Variants in SLC15A3 observed in about 807,000 individuals in gnomAD.
SLC15A3 encodes osteoclast transporter.
In SLC15A3, 39 loss-of-function variants were observed where a neutral mutation model predicts 49.2. The ratio of observed to expected loss-of-function variants is 0.79; its 90% CI spans 0.61 to 1.04. The LOEUF is 1.04. SLC15A3 is among the 50% of genes least tolerant of loss of function. The probability of loss-of-function intolerance (pLI) is 0.00; values close to 1 mark genes in which losing one functional copy is unlikely to be tolerated. For synonymous variants in SLC15A3, 339 were observed against 367.0 expected (o/e 0.92, Z 0.87); for missense variants, 758 against 794.8 (o/e 0.95, Z 0.56).
chr11:60,939,895 C>A (rs1449750661), intron 5 of SLC15A3: 1 of 477,144 alleles, frequency 2.1e-6, no homozygotes, highest in Admixed American at 3.8e-5. Context: ...TAATGGAGAA[C>A]CTGTTATGTG....
intron 6 of SLC15A3, 121 bp from the exon 7 acceptor site, chr11:60,938,146 T>G: frequency 1.6e-6 from 2 of 1,221,966 alleles, no homozygotes; most frequent in Non-Finnish European, 2.2e-6. Context: ...TTCCCCTGGA[T>G]GCCTGTCCAC....
intron 1 of SLC15A3, among the ~76,000 whole-genome samples, chr11:60,949,418 G>C (rs1328703417): frequency 1.3e-5 from 1 of 76,618 alleles, no homozygotes; most frequent in African/African-American, 3.1e-5. Flanking sequence ...AAGAAAGAAA[G>C]AAAGAAGGAA....
intron 1 of SLC15A3, among the ~76,000 whole-genome samples, chr11:60,950,140 T>C (rs1397941093): frequency 1.3e-5 from 2 of 152,190 alleles, no homozygotes; most frequent in African/African-American, 2.4e-5. Context: ...ATTCAGGATA[T>C]AAATGAGTTC....
In SLC15A3 at chr11:60,941,221, A is replaced by G. The variant is rs1411438638; in HGVS notation, c.1177T>C (p.Leu393=). 6.2e-7 allele frequency: 1 copy of G among 1,614,074 alleles called. No individual in the cohort carries two copies. The highest frequency in any genetic ancestry group is 1.3e-5 in the African/African-American group (1 of 74,950). ...CACCGCAGCAGTAAAGGGTCGATCA[A>G]GCGGTCCTTCAGAGGGACCAGAATC... ...VLILVPLKDR[L]IDPLLLRCKL... The change falls in exon 5 of 8, where the codon TTG becomes CTG. Residue 393 remains leucine, a synonymous_variant. Coordinates refer to ENST00000227880, the MANE Select transcript of SLC15A3 (RefSeq NM_016582.3).
Position 60,951,309 on chromosome 11 carries a change from G to T in SLC15A3, c.243C>A (p.Gly81=), listed in dbSNP as rs1856917330. 1 of 1,528,456 alleles carries T rather than the reference G, an allele frequency of 6.5e-7. No homozygotes were observed. The highest frequency in any genetic ancestry group is 8.8e-7 in the Non-Finnish European group (1 of 1,140,482). 94.7% of individuals were successfully genotyped at this position (1,528,456 alleles called of 1,614,324 possible). A position where few individuals can be genotyped will look rare whatever the true frequency, so the allele number is the denominator to read the frequency against. ...CCACGGGCGCCAGCAGGTAGGAGGC[G>T]CCCAGGAATACCAGCGCGGCGCGCG... ...QATRAALVFL[G]ASYLLAPVGG... Residue 81 remains glycine (G), a synonymous_variant, in exon 1 of 8, where the codon GGC becomes GGA. Coordinates refer to ENST00000227880, the MANE Select transcript of SLC15A3 (RefSeq NM_016582.3).
intron 5 of SLC15A3, chr11:60,940,506 A>G (rs909281572): frequency 3.3e-5 from 5 of 151,788 alleles, no homozygotes; most frequent in Admixed American, 2.0e-4. Flanking sequence ...TCCTCACAAC[A>G]CCCCCCATCA....
At chr11:60,938,894 T>C (rs1009746548) in intron 6 of SLC15A3, among the ~76,000 whole-genome samples, 1 of 152,174 alleles carries the variant, frequency 6.6e-6, no homozygotes, top group African/African-American at 2.4e-5. Flanking sequence ...CTTTTCTTTA[T>C]GTCTGACCCA....
chr11:60,939,360 A>C, intron 6 of SLC15A3, 120 bp downstream of exon 6: 2 of 1,240,180 alleles, frequency 1.6e-6, no homozygotes, highest in South Asian at 1.5e-5. Context: ...TGGTCAGAAA[A>C]CACTGCCTTC....
At chr11:60,945,771 T>A (rs1194893475) in intron 2 of SLC15A3, among the ~76,000 whole-genome samples, 1 of 152,204 alleles carries the variant, frequency 6.6e-6, no homozygotes, top group Admixed American at 6.5e-5. Context: ...TTTGGCCGAT[T>A]TCCTAAGACG....
intron 5 of SLC15A3, 91 bp from the exon 6 acceptor site, chr11:60,939,729 C>T (rs1856683161): frequency 1.4e-6 from 2 of 1,441,780 alleles, no homozygotes; most frequent in Admixed American, 2.1e-5. Context: ...ATGGGGTACT[C>T]ATGAAGCAGC....
chr11:60,946,867 G>A, intron 1 of SLC15A3, 46 bp from the exon 2 acceptor site: 3 of 1,570,198 alleles, frequency 1.9e-6, no homozygotes, highest in Non-Finnish European at 2.6e-6. Flanking sequence ...GGGGTCCGGG[G>A]CACTCTCTGT....
In SLC15A3 at chr11:60,942,103, G is replaced by T; in HGVS notation, c.1039C>A (p.Pro347Thr). 6.2e-7 allele frequency: 1 copy of T among 1,614,114 alleles called. No individual in the cohort carries two copies. The highest frequency in any genetic ancestry group is 8.5e-7 in the Non-Finnish European group (1 of 1,179,982). The change falls in exon 4 of 8, where the codon CCA becomes ACA. Residue 347 changes from proline to threonine, a missense_variant. Transcript: ENST00000227880. ...GCCGGGTTGGCTGGGAAAATGTTTG[G>T]GATGTGGAGGTGAAGACCCTGCAGG... is the stretch of plus-strand genomic sequence containing the variant. ...YVLQGLHLHI[P>T]NIFPANPANI...
Position 60,950,995 on chromosome 11 carries a change from TGGTCGGCACCGAA to T in SLC15A3, c.544_556del (p.Phe182ArgfsTer2), listed in dbSNP as rs981941596. 1.4e-6 allele frequency: 2 copies of T among 1,464,174 alleles called. No homozygotes were observed. The highest frequency in any genetic ancestry group is 5.3e-5 in the Admixed American group (2 of 37,928). 90.7% of individuals were successfully genotyped at this position (1,464,174 alleles called of 1,614,324 possible). ...CGGGGCAGGCCTCCTGCCACTCACC[TGGTCGGCACCGAA>T]GGAGGTGAGGTTGCTCCGGACGGAG... On this transcript the variant is annotated frameshift_variant and splice_region_variant, in exon 1 of 8. Coordinates refer to ENST00000227880, the MANE Select transcript of SLC15A3 (RefSeq NM_016582.3). LOFTEE classifies it high-confidence loss of function.
chr11:60,950,998 T>G lies in SLC15A3; in HGVS notation c.554A>C (p.Asp185Ala). Residue 185 changes from aspartate (D) to alanine (A), a missense_variant, in exon 1 of 8, where the codon GAC (aspartate) becomes GCC (alanine). Around this residue, in one of 3 missense-constraint regions of SLC15A3, gnomAD observed 699 missense variants for 706.7 expected, o/e 0.99. Transcript: ENST00000227880. ...VRSNLTSFGA[D>A]QVMDLGRDAT... is the part of the protein sequence containing the mutation. ...GGCAGGCCTCCTGCCACTCACCTGG[T>G]CGGCACCGAAGGAGGTGAGGTTGCT... 6.8e-7 allele frequency: 1 copy of G among 1,473,364 alleles called. No individual in the cohort carries two copies. Among genetic ancestry groups the G allele is most frequent in the Non-Finnish European group, 8.9e-7 (1 of 1,119,020 alleles). 91.3% of individuals were successfully genotyped at this position (1,473,364 alleles called of 1,614,324 possible).
At position 60,937,086 on chromosome 11, in the gene SLC15A3, G is replaced by T; in HGVS notation, c.*133C>A. On this transcript the variant is annotated 3_prime_UTR_variant, in exon 8 of 8. Coordinates refer to ENST00000227880, the MANE Select transcript of SLC15A3 (RefSeq NM_016582.3). ...CTGCCCCTTGTCATGGACCATGGTC[G>T]TGAGGAAGGGCTCATGCCCCTTATT... The T allele has an allele frequency of 7.2e-7, 1 of 1,383,580 alleles. No homozygotes were observed. Among genetic ancestry groups the T allele is most frequent in the Non-Finnish European group, 9.7e-7 (1 of 1,036,024 alleles). The allele number at this position is 1,383,580 out of a possible 1,614,324, so 85.7% of individuals were successfully genotyped here. A position where few individuals can be genotyped will look rare whatever the true frequency, so the allele number is the denominator to read the frequency against.
rs1856705531 is a variant in SLC15A3, at chr11:60,941,299, G to A, written c.1108-9C>T. ...AGCCAGGCTTCCGGGATCTGGGCAGGAGGAAGTCAGGAGAGGCAGGCTAGC... is the reference window on the plus strand; with the variant it reads ...AGCCAGGCTTCCGGGATCTGGGCAGAAGGAAGTCAGGAGAGGCAGGCTAGC... On this transcript the variant is annotated splice_polypyrimidine_tract_variant and intron_variant, in intron 4 of 7. Coordinates refer to ENST00000227880, the MANE Select transcript of SLC15A3 (RefSeq NM_016582.3). The A allele has an allele frequency of 8.1e-6, 13 of 1,611,660 alleles. No homozygotes were observed. Among genetic ancestry groups the A allele is most frequent in the East Asian group, 4.5e-5 (2 of 44,806 alleles).
In SLC15A3 at chr11:60,942,050, C is replaced by T; in HGVS notation, c.1092G>A (p.Gln364=). The change falls in exon 4 of 8, where the codon CAG becomes CAA. Residue 364 remains glutamine (Q), a synonymous_variant. Coordinates refer to ENST00000227880, the MANE Select transcript of SLC15A3 (RefSeq NM_016582.3). The part of the protein sequence containing the change: ...PANISVALRA[Q]GSSYTIPEAW... ...TATCTCTCACCGTGTAGCTGCTGCC[C>T]TGGGCTCTCAGGGCCACAGAGATGT... 6.2e-7 allele frequency: 1 copy of T among 1,614,094 alleles called. No homozygotes were observed. Among genetic ancestry groups the T allele is most frequent in the Non-Finnish European group, 8.5e-7 (1 of 1,179,968 alleles).
chr11:60,941,952 G>A (rs1419211718), intron 4 of SLC15A3, 83 bp downstream of exon 4: 5 of 1,331,526 alleles, frequency 3.8e-6, no homozygotes, highest in South Asian at 3.6e-5. Flanking sequence ...AGGGGAGTGT[G>A]AAGGCAGTTT....
intron 1 of SLC15A3, among the ~76,000 whole-genome samples, chr11:60,950,659 C>G (rs191480651): frequency 1.0e-3 from 153 of 151,996 alleles, no homozygotes; most frequent in African/African-American, 3.5e-3. Context: ...GGCGTGGTGG[C>G]AGGCCCCTGT....
Sources: allele counts gnomAD v4.1 joint callset (sites outside exome capture counted in the v4.1 genomes callset), GRCh38; gene constraint gnomAD v4.1.1; regional missense constraint gnomAD v4.1.1; transcripts MANE v1.5; gene names NCBI Gene and HGNC (gene_info 2026-07-23, HGNC 2026-07-21).